The following TFDP2 variants were observed in gnomAD, a reference collection of about 807,000 sequenced individuals.
The protein encoded by TFDP2 is transcription factor Dp-2 (E2F dimerization partner 2).
A neutral mutation model predicts 59.3 loss-of-function variants in TFDP2; 17 were observed. The ratio of observed to expected loss-of-function variants is 0.29; its 90% CI spans 0.20 to 0.43. TFDP2 has a LOEUF of 0.43. TFDP2 is among the 20% of genes least tolerant of loss of function. The pLI is 1.00. For missense variants in TFDP2, 391 were observed against 528.8 expected (o/e 0.74, Z 2.56); for synonymous variants, 180 against 194.7 (o/e 0.92, Z 0.63).
chr3:141,993,869 ATACT>A (rs1163484252), intron 5 of TFDP2, among the ~76,000 whole-genome samples: 1 of 152,272 alleles, frequency 6.6e-6, no homozygotes, highest in Non-Finnish European at 1.5e-5. Context: ...ACTCTGCGAA[ATACT>A]GACTATAAAA....
At chr3:142,105,562 T>C (rs149803154) in intron 1 of TFDP2, among the ~76,000 whole-genome samples, 1 of 152,166 alleles carries the variant, frequency 6.6e-6, no homozygotes, top group East Asian at 1.9e-4. Flanking sequence ...TCAATGATGT[T>C]ATATTTCCTA....
chr3:142,044,329 G>A (rs567098295), intron 3 of TFDP2: 27 of 197,242 alleles, frequency 1.4e-4, no homozygotes, highest in African/African-American at 6.8e-4. Flanking sequence ...TGCCTCCCCC[G>A]GATTCAAGTG....
At chr3:141,962,335 T>C (rs752106811) in intron 10 of TFDP2, among the ~76,000 whole-genome samples, 12 of 152,216 alleles carry the variant, frequency 7.9e-5, no homozygotes, top group Admixed American at 2.0e-4. Flanking sequence ...AATTATCAAA[T>C]AGTTTTGAAA....
chr3:141,991,570 C>A (rs1378491064), intron 6 of TFDP2, among the ~76,000 whole-genome samples: 2 of 152,118 alleles, frequency 1.3e-5, no homozygotes, highest in African/African-American at 2.4e-5. Flanking sequence ...ACCAGCCTGG[C>A]CACATGGTGA....
At chr3:142,097,146 CAT>C (rs1230552109) in intron 2 of TFDP2, among the ~76,000 whole-genome samples, 6 of 152,020 alleles carry the variant, frequency 3.9e-5, no homozygotes, top group Non-Finnish European at 8.8e-5. Flanking sequence ...GATTTATAAA[CAT>C]ATAAAAAGAA....
At chr3:142,073,248 G>A (rs1295103044) in intron 3 of TFDP2, among the ~76,000 whole-genome samples, 2 of 152,048 alleles carry the variant, frequency 1.3e-5, no homozygotes, top group East Asian at 3.8e-4. Flanking sequence ...TTTTAAAAAT[G>A]TTTTTGTAGA....
At chr3:142,024,359 TG>T in intron 3 of TFDP2, among the ~76,000 whole-genome samples, 1 of 152,336 alleles carries the variant, frequency 6.6e-6, no homozygotes, top group African/African-American at 2.4e-5. Flanking sequence ...GACAGGTTCC[TG>T]GATCAGTTCA....
chr3:142,082,143 G>C (rs929594772), intron 3 of TFDP2, among the ~76,000 whole-genome samples: 1 of 152,162 alleles, frequency 6.6e-6, no homozygotes, highest in African/African-American at 2.4e-5. Flanking sequence ...TCTCACAGGA[G>C]TGCAAACCCT....
At chr3:142,079,374 C>T (rs767342956) in intron 3 of TFDP2, among the ~76,000 whole-genome samples, 2 of 151,970 alleles carry the variant, frequency 1.3e-5, no homozygotes, top group African/African-American at 2.4e-5. Flanking sequence ...TGAAGCACAC[C>T]TACAAGATCT....
chr3:142,146,953 C>A (rs1416241852), intron 1 of TFDP2, among the ~76,000 whole-genome samples: 2 of 150,806 alleles, frequency 1.3e-5, no homozygotes, highest in Non-Finnish European at 2.9e-5. Flanking sequence ...CCAAACATGG[C>A]GAGGTGTGTG....
At chr3:142,147,735 C>G (rs753039385) in intron 1 of TFDP2, among the ~76,000 whole-genome samples, 2 of 152,168 alleles carry the variant, frequency 1.3e-5, no homozygotes, top group Non-Finnish European at 2.9e-5. Flanking sequence ...TACTCTTAGA[C>G]TAGACTAGTT....
chr3:142,064,763 G>A (rs764972761), intron 3 of TFDP2, among the ~76,000 whole-genome samples: 2 of 152,118 alleles, frequency 1.3e-5, no homozygotes, highest in Non-Finnish European at 2.9e-5. Flanking sequence ...TTTCCAATAC[G>A]CAATCAAAGA....
intron 1 of TFDP2, among the ~76,000 whole-genome samples, chr3:142,144,749 C>T (rs1329104408): frequency 6.6e-6 from 1 of 152,186 alleles, no homozygotes; most frequent in Non-Finnish European, 1.5e-5. Context: ...CCATGTTGCC[C>T]AGGCTGGTCT....
intron 3 of TFDP2, among the ~76,000 whole-genome samples, chr3:142,090,490 T>A (rs2060962821): frequency 6.6e-6 from 1 of 152,112 alleles, no homozygotes; most frequent in African/African-American, 2.4e-5. Flanking sequence ...TCAAAGACAA[T>A]CTTTCTCACC....
At chr3:142,139,747 G>A (rs146850955) in intron 1 of TFDP2, among the ~76,000 whole-genome samples, 3,426 of 152,316 alleles carry the variant, frequency 0.022, 56 homozygotes, top group Non-Finnish European at 0.034. Flanking sequence ...CTGTTAGTCT[G>A]ATGGGCTTCC....
At chr3:141,974,625 T>C (rs1249068640) in intron 7 of TFDP2, among the ~76,000 whole-genome samples, 2 of 152,188 alleles carry the variant, frequency 1.3e-5, no homozygotes, top group Non-Finnish European at 2.9e-5. Flanking sequence ...ATACAGAACT[T>C]AATATACATG....
intron 1 of TFDP2, among the ~76,000 whole-genome samples, chr3:142,112,988 G>C (rs1315777703): frequency 6.6e-6 from 1 of 152,196 alleles, no homozygotes; most frequent in African/African-American, 2.4e-5. Context: ...AGCAATATTA[G>C]ATGAGAGCAC....
At chr3:142,139,308 A>T (rs974256440) in intron 1 of TFDP2, among the ~76,000 whole-genome samples, 1 of 151,606 alleles carries the variant, frequency 6.6e-6, no homozygotes, top group African/African-American at 2.4e-5. Flanking sequence ...ATGGGTCTTG[A>T]CTCTTTATCC....
In TFDP2 at chr3:142,015,450, C is replaced by G. The variant is rs546206437; in HGVS notation, c.83-9906G>C. 4.6e-5 allele frequency among the ~76,000 whole-genome samples: 7 copies of G among 152,328 alleles called. No individual in the cohort carries two copies. The East Asian group carries it at 1.3e-3, about 29-fold the overall frequency. ...TTCTTCATCTCAGTAAATGAAAACT[C>G]TATTCTTCAACTGCTCAGACTGAAA... On this transcript the variant is annotated intron_variant, in intron 3 of 12. Transcript: ENST00000489671.
Sources: allele counts gnomAD v4.1 joint callset (sites outside exome capture counted in the v4.1 genomes callset), GRCh38; gene constraint gnomAD v4.1.1; transcripts MANE v1.5; gene names NCBI Gene and HGNC (gene_info 2026-07-23, HGNC 2026-07-21).